The following CFAP77 variants were observed in gnomAD, a reference collection of about 807,000 sequenced individuals.
CFAP77 encodes cilia and flagella associated protein 77.
Under a neutral mutation model 31.1 loss-of-function variants are expected in CFAP77, and 25 were observed. The observed-to-expected ratio is 0.80, with a 90% CI of 0.59 to 1.12. The LOEUF (loss-of-function observed/expected upper bound fraction) is 1.12, where lower values mean the gene tolerates loss of function less well. CFAP77 is among the 50% of genes most tolerant of loss of function. The pLI, the probability that CFAP77 is intolerant of heterozygous loss-of-function variation, is 0.00. For synonymous variants in CFAP77, 151 were observed against 159.9 expected, an observed-to-expected ratio of 0.94 and a Z score of 0.42; for missense variants, 377 against 397.3, an observed-to-expected ratio of 0.95 and a Z score of 0.44.
chr9:132,498,535 C>T lies in CFAP77; in HGVS notation c.196-160C>T, dbSNP rs1313032118. Among the ~76,000 whole-genome samples the T allele has an allele frequency of 6.6e-6, 1 of 152,152 alleles. No homozygotes were observed. Among genetic ancestry groups the T allele is most frequent in the East Asian group, 1.9e-4 (1 of 5,186 alleles). ...CCTGTGCCAGCCACAGCCTGCGCTC[C>T]TCCCAGGGAGGGCTCTGCCACCCAC... On this transcript the variant is annotated intron_variant, in intron 1 of 5. Transcript: ENST00000393216. The surrounding 1 kb of genome is among the most constrained non-coding windows in gnomAD (Gnocchi z 4.2).
At chr9:132,430,295 G>A (rs560707968) in intron 1 of CFAP77, among the ~76,000 whole-genome samples, 84 of 152,084 alleles carry the variant, frequency 5.5e-4, no homozygotes, top group African/African-American at 2.0e-3. Context: ...GTGGGATGGG[G>A]GGAGAAAAAG....
chr9:132,529,507 T>TTAAAAAAAACA (rs1554748117), intron 3 of CFAP77, among the ~76,000 whole-genome samples: 1 of 108,836 alleles, frequency 9.2e-6, no homozygotes, highest in African/African-American at 3.3e-5. Context: ...TAGAGTATAA[T>TTAAAAAAAACA]AAAAAAAAAA....
intron 1 of CFAP77, among the ~76,000 whole-genome samples, chr9:132,416,277 G>C (rs1850093716): frequency 6.7e-6 from 1 of 150,208 alleles, no homozygotes. Flanking sequence ...GTTGATTTTT[G>C]GCATATGCTA....
chr9:132,433,873 C>T (rs10118166), intron 1 of CFAP77, among the ~76,000 whole-genome samples: 3,605 of 151,638 alleles, frequency 0.024, 129 homozygotes, highest in African/African-American at 0.082. Context: ...TAAAACCCAG[C>T]TTTGGTCAGG....
intron 1 of CFAP77, among the ~76,000 whole-genome samples, chr9:132,425,967 C>T (rs1808817156): frequency 6.6e-6 from 1 of 152,196 alleles, no homozygotes; most frequent in Non-Finnish European, 1.5e-5. Context: ...TAATTGGAAA[C>T]CGGGTCATTA....
intron 1 of CFAP77, among the ~76,000 whole-genome samples, chr9:132,485,962 C>T (rs1374837995): frequency 6.8e-5 from 8 of 118,198 alleles, no homozygotes; most frequent in African/African-American, 2.4e-4. Flanking sequence ...AGTCCAGGTG[C>T]TGGGATTTGA....
At position 132,490,934 on chromosome 9, in the gene CFAP77, C is replaced by T. The variant is rs1851643076; in HGVS notation, c.196-7761C>T. ...GTTTTTCTCCAGGCACTCTGGTTTC[C>T]TTCCACATCCCAGAGATGTGCACAT... On this transcript the variant is annotated intron_variant, in intron 1 of 5. Coordinates refer to ENST00000393216, the MANE Select transcript of CFAP77 (RefSeq NM_001282957.2). This position sits in a 1 kb window ranked among gnomAD's most constrained non-coding sequence, Gnocchi z 4.6. Among the ~76,000 whole-genome samples, 1 of 152,154 alleles carries T rather than the reference C, an allele frequency of 6.6e-6. No individual in the cohort carries two copies. Among genetic ancestry groups the T allele is most frequent in the Admixed American group, 6.5e-5 (1 of 15,276 alleles).
At chr9:132,451,487 T>C (rs1208897829) in intron 1 of CFAP77, among the ~76,000 whole-genome samples, 2 of 152,114 alleles carry the variant, frequency 1.3e-5, no homozygotes, top group African/African-American at 4.8e-5. Context: ...TTCGCGAAGA[T>C]TCAAATTTGA....
At position 132,564,681 on chromosome 9, in the gene CFAP77, G is replaced by A. The variant is rs971981330; in HGVS notation, c.733-7707G>A. Reference sequence around the variant, plus strand: ...ATGAAAGGTAATTAGCTAAGCCAACGACTCTAGATGCTAGAAAAAGAACAA... The same window carrying A: ...ATGAAAGGTAATTAGCTAAGCCAACAACTCTAGATGCTAGAAAAAGAACAA... On this transcript the variant is annotated intron_variant, in intron 5 of 5. Coordinates refer to ENST00000393216, the MANE Select transcript of CFAP77 (RefSeq NM_001282957.2). The surrounding 1 kb of genome is among the most constrained non-coding windows in gnomAD (Gnocchi z 4.6). Among the ~76,000 whole-genome samples the A allele has an allele frequency of 3.9e-5, 6 of 152,156 alleles. No homozygotes were observed. The highest frequency in any genetic ancestry group is 2.1e-4 in the South Asian group (1 of 4,824).
chr9:132,541,327 G>A (rs865911035), intron 4 of CFAP77, among the ~76,000 whole-genome samples: 9 of 152,238 alleles, frequency 5.9e-5, no homozygotes, highest in African/African-American at 9.6e-5. Flanking sequence ...AAGGAACTGA[G>A]GCTCAGACAG....
intron 1 of CFAP77, among the ~76,000 whole-genome samples, chr9:132,477,776 A>G (rs958982132): frequency 6.6e-6 from 1 of 151,934 alleles, no homozygotes. Context: ...ACTGGGCCAA[A>G]CTCTGATGGA....
chr9:132,483,885 C>G (rs1357948332), intron 1 of CFAP77, among the ~76,000 whole-genome samples: 1 of 151,990 alleles, frequency 6.6e-6, no homozygotes, highest in African/African-American at 2.4e-5. Context: ...GAAAGAGTTT[C>G]CTCAGTTGCT....
chr9:132,532,378 C>T (rs1219865227), intron 3 of CFAP77, among the ~76,000 whole-genome samples: 1 of 152,216 alleles, frequency 6.6e-6, no homozygotes, highest in Non-Finnish European at 1.5e-5. Flanking sequence ...AGAGCGGAGC[C>T]AGCCTGATAG....
intron 1 of CFAP77, among the ~76,000 whole-genome samples, chr9:132,492,459 GAT>G (rs2118941894): frequency 6.6e-6 from 1 of 152,288 alleles, no homozygotes; most frequent in South Asian, 2.1e-4. Flanking sequence ...CACCTGCAGA[GAT>G]GAGGTCTGTG....
chr9:132,531,629 G>GA (rs980776606), intron 3 of CFAP77, among the ~76,000 whole-genome samples: 35 of 149,078 alleles, frequency 2.3e-4, no homozygotes, highest in African/African-American at 8.5e-4. Context: ...AAGACATGGG[G>GA]GGGGGGGCAT....
chr9:132,491,228 G>A (rs900754832), intron 1 of CFAP77, among the ~76,000 whole-genome samples: 2 of 152,228 alleles, frequency 1.3e-5, no homozygotes, highest in Non-Finnish European at 2.9e-5. Context: ...AGCATTTTGG[G>A]AGGCCGAAGC....
chr9:132,514,562 T>C (rs1280112178), intron 3 of CFAP77, among the ~76,000 whole-genome samples: 4 of 152,112 alleles, frequency 2.6e-5, no homozygotes, highest in African/African-American at 9.7e-5. Context: ...TCTCAGCCCT[T>C]TCCATTTTGG....
intron 1 of CFAP77, among the ~76,000 whole-genome samples, chr9:132,462,890 T>C (rs1265729731): frequency 2.0e-5 from 3 of 152,230 alleles, no homozygotes. Context: ...ATATATATTT[T>C]ACAGAGTGAA....
chr9:132,419,032 G>T (rs1418264495), intron 1 of CFAP77, among the ~76,000 whole-genome samples: 1 of 152,110 alleles, frequency 6.6e-6, no homozygotes, highest in Non-Finnish European at 1.5e-5. Context: ...GTCACTCAAA[G>T]GCACGTCAGG....
Sources: allele counts gnomAD v4.1 joint callset (sites outside exome capture counted in the v4.1 genomes callset), GRCh38; gene constraint gnomAD v4.1.1; non-coding constraint Gnocchi (gnomAD v3.1); transcripts MANE v1.5; gene names NCBI Gene and HGNC (gene_info 2026-07-23, HGNC 2026-07-21).